Variants in MSL1 observed in about 807,000 individuals in gnomAD.
The protein encoded by MSL1 is MSL complex subunit 1.
MSL1 carries 21 observed loss-of-function variants against 64.6 expected under a neutral mutation model. The observed-to-expected ratio is 0.33, with a 90% CI of 0.23 to 0.47. The LOEUF (loss-of-function observed/expected upper bound fraction) is 0.47. Ranked by LOEUF, MSL1 falls within the 20% of genes least tolerant of loss-of-function variation. The pLI is 1.00. For synonymous variants in MSL1, 339 were observed against 329.6 expected (o/e 1.03, Z -0.31); for missense variants, 664 against 793.2 (o/e 0.84, Z 1.96).
chr17:40,133,398 A>T, intron 6 of MSL1, 136 bp from the exon 7 acceptor site: 5 of 1,136,302 alleles, frequency 4.4e-6, no homozygotes, highest in Non-Finnish European at 6.1e-6. Flanking sequence ...CAAGGCAGTC[A>T]TTTCTCTTTA....
chr17:40,124,421 C>G (rs1022695819), intron 1 of MSL1, among the ~76,000 whole-genome samples: 2 of 152,154 alleles, frequency 1.3e-5, no homozygotes, highest in Non-Finnish European at 2.9e-5. Context: ...TCCCTCTCTC[C>G]TCTTTCTCTC....
At position 40,136,536 on chromosome 17, in the gene MSL1, T is replaced by G. The variant is rs1298885020; in HGVS notation, c.*2167T>G. ...CTACATGGGATACAACACTGTGAAT[T>G]CAATCTTCAACTGAAGGCCCTGCAG... On this transcript the variant is annotated 3_prime_UTR_variant, in exon 9 of 9. Coordinates refer to ENST00000398532, the MANE Select transcript of MSL1 (RefSeq NM_001365919.1). The G allele has an allele frequency of 2.0e-5, 3 of 152,380 alleles. No homozygotes were observed. The highest frequency in any genetic ancestry group is 4.1e-4 in the South Asian group (2 of 4,836). 9.4% of individuals were successfully genotyped at this position (152,380 alleles called of 1,614,324 possible).
intron 8 of MSL1, 23 bp from the exon 9 acceptor site, chr17:40,134,256 A>G: frequency 6.5e-7 from 1 of 1,549,304 alleles, no homozygotes; most frequent in Non-Finnish European, 8.7e-7. Context: ...TTGCAAGTTG[A>G]TTTCCTCATC....
Position 40,131,344 on chromosome 17 carries a change from T to G in MSL1, c.1376-193T>G, listed in dbSNP as rs1598412474. The G allele has an allele frequency of 1.0e-5, 5 of 485,616 alleles. No individual in the cohort carries two copies. The highest frequency in any genetic ancestry group is 5.0e-4 in the Middle Eastern group (1 of 1,988). 30.1% of individuals were successfully genotyped at this position (485,616 alleles called of 1,614,324 possible). ...GTCGTCTCAGTGTAAAAAAAAAAAG[T>G]GGTGGGCTTATTTTCTTTTCTTTTG... is the stretch of plus-strand genomic sequence containing the variant. On this transcript the variant is annotated intron_variant, in intron 3 of 8. Transcript: ENST00000398532. This position sits in a 1 kb window ranked among gnomAD's most constrained non-coding sequence, Gnocchi z 4.5.
chr17:40,133,742 A>G (rs1290682254), intron 7 of MSL1, 84 bp downstream of exon 7: 3 of 1,610,566 alleles, frequency 1.9e-6, no homozygotes, highest in Non-Finnish European at 2.5e-6. Context: ...CTCTGAATGA[A>G]TGAAGTGTAT....
chr17:40,123,054 G>C lies in MSL1; in HGVS notation c.442G>C (p.Glu148Gln). ...GGGCTCTCTCGTGGCGGCGGCCAAA[G>C]AGCCTACGCCCTGGGCTGGGGACAA... Reference protein sequence around the residue: ...QTGSLVAAAKEPTPWAGDKGG... With the variant: ...QTGSLVAAAKQPTPWAGDKGG... The change falls in exon 1 of 9, where the codon GAG (glutamate) becomes CAG (glutamine). Residue 148 changes from glutamate (E) to glutamine (Q), a missense_variant. Coordinates refer to ENST00000398532, the MANE Select transcript of MSL1 (RefSeq NM_001365919.1). The C allele has an allele frequency of 1.3e-6, 2 of 1,531,962 alleles. No individual in the cohort carries two copies. Among genetic ancestry groups the C allele is most frequent in the Non-Finnish European group, 1.7e-6 (2 of 1,145,394 alleles). The allele number at this position is 1,531,962 out of a possible 1,614,324, so 94.9% of individuals were successfully genotyped here.
intron 3 of MSL1, among the ~76,000 whole-genome samples, chr17:40,130,605 G>A (rs1243007474): frequency 1.3e-5 from 2 of 152,182 alleles, no homozygotes; most frequent in East Asian, 3.8e-4. Flanking sequence ...TGAGACAAGA[G>A]CGTTCTCCAG....
At position 40,126,356 on chromosome 17, in the gene MSL1, T is replaced by C; in HGVS notation, c.942T>C (p.Thr314=). Residue 314 remains threonine (T), a synonymous_variant, in exon 2 of 9, where the codon ACT becomes ACC. Coordinates refer to ENST00000398532, the MANE Select transcript of MSL1 (RefSeq NM_001365919.1). ...CGGAGCTTTCCGAGACATCCCAGACTCTGCCTCCCAAGCCCTTCTCATGTG... is the reference window on the plus strand; with the variant it reads ...CGGAGCTTTCCGAGACATCCCAGACCCTGCCTCCCAAGCCCTTCTCATGTG... ...CQPELSETSQ[T]LPPKPFSCGR... is the part of the protein sequence containing the mutation. The C allele has an allele frequency of 5.0e-6, 8 of 1,613,972 alleles. No homozygotes were observed. The highest frequency in any genetic ancestry group is 5.1e-6 in the Non-Finnish European group (6 of 1,179,888).
intron 2 of MSL1, among the ~76,000 whole-genome samples, chr17:40,128,751 C>T (rs544756366): frequency 5.9e-5 from 9 of 151,714 alleles, no homozygotes; most frequent in East Asian, 2.0e-4. Flanking sequence ...TGGCTCATGC[C>T]GGTAATCCCA....
chr17:40,132,619 ACGGAGTGACTCCAT>A, intron 5 of MSL1, among the ~76,000 whole-genome samples: 1 of 152,302 alleles, frequency 6.6e-6, no homozygotes, highest in South Asian at 2.1e-4. Context: ...AGCCTGGGTG[ACGGAGTGACTCCAT>A]CACACACACA....
intron 2 of MSL1, 53 bp downstream of exon 2, chr17:40,126,459 A>G (rs919782268): frequency 2.7e-6 from 4 of 1,494,010 alleles, no homozygotes; most frequent in African/African-American, 2.8e-5. Context: ...GATTGAGAGT[A>G]GGAGATTGGG....
Position 40,136,757 on chromosome 17 carries a change from G to T in MSL1, c.*2388G>T, listed in dbSNP as rs1289335593. 6.6e-6 allele frequency: 1 copy of T among 152,258 alleles called. No homozygotes were observed. Among genetic ancestry groups the T allele is most frequent in the East Asian group, 1.9e-4 (1 of 5,342 alleles). 9.4% of individuals were successfully genotyped at this position (152,258 alleles called of 1,614,324 possible). A position where few individuals can be genotyped will look rare whatever the true frequency, so the allele number is the denominator to read the frequency against. On this transcript the variant is annotated 3_prime_UTR_variant, in exon 9 of 9. Transcript: ENST00000398532. ...TTGTCTTGTAAATATCTTATAAAGA[G>T]TTCAATTGTAAATAAACTATTGTGG...
chr17:40,136,498 G>GTC lies in MSL1; in HGVS notation c.*2131_*2132dup, dbSNP rs1988542776. 6.6e-6 allele frequency: 1 copy of GTC among 152,324 alleles called. No individual in the cohort carries two copies. Among genetic ancestry groups the GTC allele is most frequent in the Non-Finnish European group, 1.5e-5 (1 of 68,030 alleles). The allele number at this position is 152,324 out of a possible 1,614,324, so 9.4% of individuals were successfully genotyped here. ...GTGTTAGAGTGTGGGGGGAAAATTAGTCTTATTTTTCCCTACATGGGATAC... is the reference window on the plus strand; with the variant it reads ...GTGTTAGAGTGTGGGGGGAAAATTAGTCTCTTATTTTTCCCTACATGGGATAC... On this transcript the variant is annotated 3_prime_UTR_variant, in exon 9 of 9. Coordinates refer to ENST00000398532, the MANE Select transcript of MSL1 (RefSeq NM_001365919.1).
intron 5 of MSL1, 98 bp downstream of exon 5, chr17:40,132,196 A>G: frequency 1.2e-6 from 1 of 827,062 alleles, no homozygotes; most frequent in Non-Finnish European, 1.9e-6. Flanking sequence ...TGAATTAAAT[A>G]ATTTTAAGGC....
Position 40,133,585 on chromosome 17 carries a change from C to A in MSL1, c.1608C>A (p.Leu536=). The change falls in exon 7 of 9, where the codon CTC becomes CTA. Residue 536 remains leucine (L), a synonymous_variant. Coordinates refer to ENST00000398532, the MANE Select transcript of MSL1 (RefSeq NM_001365919.1). Reference sequence around the variant, plus strand: ...AAAGAATTTTACAGCGACTGCAGCTCAGAATGTATAAAAAGAAAGGAATTC... The same window carrying A: ...AAAGAATTTTACAGCGACTGCAGCTAAGAATGTATAAAAAGAAAGGAATTC... ...REQRILQRLQ[L]RMYKKKGIQE... The A allele has an allele frequency of 1.2e-6, 2 of 1,612,808 alleles. No individual in the cohort carries two copies. The highest frequency in any genetic ancestry group is 1.7e-6 in the Non-Finnish European group (2 of 1,179,314).
intron 2 of MSL1, 167 bp downstream of exon 2, chr17:40,126,573 C>G: frequency 3.1e-6 from 2 of 635,440 alleles, no homozygotes. Flanking sequence ...CTTTGGGAGG[C>G]CAAGGCGGGT....
In MSL1 at chr17:40,122,284, G is replaced by T. The variant is rs1219300687; in HGVS notation, c.-329G>T. ...AGACGAGGCGGGCCCGGCCGGGCCAGGGGGGGCCGAAGCGAGCTCCGGGGA... is the reference window on the plus strand; with the variant it reads ...AGACGAGGCGGGCCCGGCCGGGCCATGGGGGGCCGAAGCGAGCTCCGGGGA... On this transcript the variant is annotated 5_prime_UTR_variant, in exon 1 of 9. It adds an upstream start codon to the 5' untranslated region. Coordinates refer to ENST00000398532, the MANE Select transcript of MSL1 (RefSeq NM_001365919.1). The surrounding 1 kb of genome is among the most constrained non-coding windows in gnomAD (Gnocchi z 4.2). 3.3e-5 allele frequency: 5 copies of T among 153,010 alleles called. No homozygotes were observed. The highest frequency in any genetic ancestry group is 7.2e-5 in the Non-Finnish European group (5 of 69,466). 9.5% of individuals were successfully genotyped at this position (153,010 alleles called of 1,614,324 possible). A position where few individuals can be genotyped will look rare whatever the true frequency, so the allele number is the denominator to read the frequency against.
rs972990440 is a variant in MSL1, at chr17:40,132,903, A to G, written c.1489-139A>G. On this transcript the variant is annotated intron_variant, in intron 5 of 8. Transcript: ENST00000398532. ...GATTCTGTTACCAGGAGGTTCCCAT[A>G]CTGTCCATGGAACCCACAGACTCAG... is the stretch of plus-strand genomic sequence containing the variant. 4 of 685,408 alleles carry G rather than the reference A, an allele frequency of 5.8e-6. No homozygotes were observed. The African/African-American group carries it at 7.2e-5, about 12-fold the overall frequency. 42.5% of individuals were successfully genotyped at this position (685,408 alleles called of 1,614,324 possible). A position where few individuals can be genotyped will look rare whatever the true frequency, so the allele number is the denominator to read the frequency against.
In MSL1 at chr17:40,136,493, A is replaced by T. The variant is rs540170599; in HGVS notation, c.*2124A>T. ...ACAGTGTGTTAGAGTGTGGGGGGAA[A>T]ATTAGTCTTATTTTTCCCTACATGG... On this transcript the variant is annotated 3_prime_UTR_variant, in exon 9 of 9. Transcript: ENST00000398532. The T allele has an allele frequency of 4.6e-5, 7 of 152,372 alleles. No homozygotes were observed. In the East Asian group the frequency reaches 1.3e-3, roughly 29 times the overall value. 9.4% of individuals were successfully genotyped at this position (152,372 alleles called of 1,614,324 possible).
Sources: gnomAD v4.1 joint callset for allele counts (sites outside exome capture counted in the v4.1 genomes callset) on GRCh38, gnomAD v4.1.1 for gene constraint, Gnocchi (gnomAD v3.1) non-coding constraint, MANE v1.5 for transcripts, NCBI Gene and HGNC (gene_info 2026-07-23, HGNC 2026-07-21) for gene names.